Variants in GOLGB1 observed in about 807,000 individuals in gnomAD.
GOLGB1 encodes golgin subfamily B member 1.
GOLGB1 carries 174 observed loss-of-function variants against 336.9 expected under a neutral mutation model. That is an observed-to-expected ratio of 0.52 (90% CI 0.46 to 0.59). GOLGB1 has a LOEUF of 0.59. GOLGB1 is among the 20% of genes least tolerant of loss of function. GOLGB1 has a pLI of 0.00. For synonymous variants in GOLGB1, 1,208 were observed against 1,289.2 expected (o/e 0.94, Z 1.35); for missense variants, 3,331 against 3,645.3 (o/e 0.91, Z 2.22).
At chr3:121,700,160 A>G (rs1466713526) in intron 11 of GOLGB1, among the ~76,000 whole-genome samples, 2 of 152,138 alleles carry the variant, frequency 1.3e-5, no homozygotes, top group South Asian at 2.1e-4. Context: ...TGCAGGACAT[A>G]AAGCAGCTAT....
At chr3:121,684,913 G>C (rs1420210527) in intron 14 of GOLGB1, among the ~76,000 whole-genome samples, 1 of 152,082 alleles carries the variant, frequency 6.6e-6, no homozygotes. Context: ...AGGAGTACAG[G>C]GCCACTGGTT....
chr3:121,730,797 C>T (rs1946041262), intron 2 of GOLGB1, 79 bp downstream of exon 2: 3 of 1,423,216 alleles, frequency 2.1e-6, no homozygotes, highest in East Asian at 5.2e-5. Context: ...CTTCGCACAC[C>T]CTTCTATCTT....
chr3:121,723,184 T>C (rs901991605), intron 5 of GOLGB1, among the ~76,000 whole-genome samples: 1 of 152,240 alleles, frequency 6.6e-6, no homozygotes, highest in Non-Finnish European at 1.5e-5. Context: ...TTTTTAACAT[T>C]ATTTAATTTT....
Position 121,694,654 on chromosome 3 carries a change from C to T in GOLGB1, c.5869G>A (p.Glu1957Lys). 1 of 1,611,188 alleles carries T rather than the reference C, an allele frequency of 6.2e-7. No homozygotes were observed. The highest frequency in any genetic ancestry group is 8.5e-7 in the Non-Finnish European group (1 of 1,179,588). ...QDVTDAQIKNELLESEMKNLK... is the reference protein window; with the variant it reads ...QDVTDAQIKNKLLESEMKNLK... Reference sequence around the variant, plus strand: ...TTCTTCATTTCAGATTCCAATAGCTCATTTTTTATTTGGGCATCTGTAACA... The same window carrying T: ...TTCTTCATTTCAGATTCCAATAGCTTATTTTTTATTTGGGCATCTGTAACA... The change falls in exon 13 of 22, where the codon GAG (glutamate) becomes AAG (lysine). Residue 1957 changes from glutamate (E) to lysine (K), a missense_variant. Coordinates refer to ENST00000614479, the MANE Select transcript of GOLGB1 (RefSeq NM_001366282.2).
chr3:121,668,055 C>A lies in GOLGB1; in HGVS notation c.9419+6G>T. The A allele has an allele frequency of 6.5e-7, 1 of 1,532,674 alleles. No homozygotes were observed. The highest frequency in any genetic ancestry group is 9.0e-7 in the Non-Finnish European group (1 of 1,116,258). 94.9% of individuals were successfully genotyped at this position (1,532,674 alleles called of 1,614,324 possible). A position where few individuals can be genotyped will look rare whatever the true frequency, so the allele number is the denominator to read the frequency against. On this transcript the variant is annotated splice_donor_region_variant and intron_variant, in intron 19 of 21. Transcript: ENST00000614479. ...TGCTCCAGGGTTTAGAGAGCCACTC[C>A]CCTACCTTTGCTGCGGTTCCCTTAG... is the stretch of plus-strand genomic sequence containing the variant.
At chr3:121,667,361 A>G in intron 20 of GOLGB1, 115 bp downstream of exon 20, 1 of 1,079,928 alleles carries the variant, frequency 9.3e-7, no homozygotes, top group South Asian at 1.6e-5. Flanking sequence ...TCATTGCAGC[A>G]ACTACCTCAA....
rs375601962 is a variant in GOLGB1 at position 121,748,436 on chromosome 3, T to A, written c.-3+1196A>T. On this transcript the variant is annotated intron_variant, in intron 1 of 21. Coordinates refer to ENST00000614479, the MANE Select transcript of GOLGB1 (RefSeq NM_001366282.2). ...GAAGCTGCTGAGGTAGTAAAAAATA[T>A]TGATGCAGTGAAAAGAAAAACATTA... 2.0e-5 allele frequency among the ~76,000 whole-genome samples: 3 copies of A among 149,952 alleles called. No homozygotes were observed. The East Asian group carries it at 5.8e-4, about 29-fold the overall frequency.
At chr3:121,740,625 G>A (rs899452686) in intron 1 of GOLGB1, among the ~76,000 whole-genome samples, 5 of 152,132 alleles carry the variant, frequency 3.3e-5, no homozygotes, top group Admixed American at 2.0e-4. Context: ...CAAATTTTCT[G>A]TAGTAAACTT....
At position 121,697,918 on chromosome 3, in the gene GOLGB1, G is replaced by T; in HGVS notation, c.2605C>A (p.Leu869Met). Reference protein sequence around the residue: ...VRHISSKVEELSQALSQKELE... With the variant: ...VRHISSKVEEMSQALSQKELE... ...TCCTTCTGTGAAAGAGCCTGGGACA[G>T]TTCTTCCACTTTACTTGAGATATGC... Residue 869 changes from leucine to methionine, a missense_variant, in exon 13 of 22, where the codon CTG (leucine) becomes ATG (methionine). Leu to Met is a conservative substitution (Grantham distance 15, BLOSUM62 2). Coordinates refer to ENST00000614479, the MANE Select transcript of GOLGB1 (RefSeq NM_001366282.2). 1.8e-5 allele frequency: 29 copies of T among 1,614,036 alleles called. No individual in the cohort carries two copies. Among genetic ancestry groups the T allele is most frequent in the Non-Finnish European group, 2.5e-5 (29 of 1,179,942 alleles).
rs1376409716 is a variant in GOLGB1, at chr3:121,716,740, C to T, written c.1285G>A (p.Glu429Lys). ...VQSAQTIQQL[E>K]DQLQQKSKEI... Reference sequence around the variant, plus strand: ...TCAAAAGCAATCAGCTACTGACCTTCCAGTTGCTGAATGGTCTGGGCTGAC... The same window carrying T: ...TCAAAAGCAATCAGCTACTGACCTTTCAGTTGCTGAATGGTCTGGGCTGAC... Residue 429 changes from glutamate to lysine, a missense_variant, in exon 9 of 22, where the codon GAA (glutamate) becomes AAA (lysine). By Grantham distance (56) the Glu-to-Lys change is moderately conservative. Coordinates refer to ENST00000614479, the MANE Select transcript of GOLGB1 (RefSeq NM_001366282.2). 1.2e-6 allele frequency: 2 copies of T among 1,604,694 alleles called. No homozygotes were observed. Among genetic ancestry groups the T allele is most frequent in the South Asian group, 2.2e-5 (2 of 89,906 alleles).
At position 121,747,797 on chromosome 3, in the gene GOLGB1, G is replaced by A. The variant is rs1947472192; in HGVS notation, c.-3+1835C>T. 3.3e-5 allele frequency among the ~76,000 whole-genome samples: 5 copies of A among 152,030 alleles called. No individual in the cohort carries two copies. In the South Asian group the frequency reaches 1.0e-3, roughly 32 times the overall value. ...GATGGGTAGATCAGTAGATAGAAAA[G>A]AAAAAGACTTTTTTTACATTGTATC... is the stretch of plus-strand genomic sequence containing the variant. On this transcript the variant is annotated intron_variant, in intron 1 of 21. Transcript: ENST00000614479.
At chr3:121,747,150 T>TTATATATATA (rs548032779) in intron 1 of GOLGB1, among the ~76,000 whole-genome samples, 4 of 49,580 alleles carry the variant, frequency 8.1e-5, no homozygotes, top group Non-Finnish European at 7.1e-5. Context: ...TACATGGATG[T>TTATATATATA]TATATATATA....
At position 121,709,805 on chromosome 3, in the gene GOLGB1, A is replaced by G. The variant is rs896070387; in HGVS notation, c.1404+5056T>C. Reference sequence around the variant, plus strand: ...CCAAGTAAGCAGAAAGAAATACTAAAGAGTAGAAATCAATGAAAATGAAAA... The same window carrying G: ...CCAAGTAAGCAGAAAGAAATACTAAGGAGTAGAAATCAATGAAAATGAAAA... On this transcript the variant is annotated intron_variant, in intron 10 of 21. Coordinates refer to ENST00000614479, the MANE Select transcript of GOLGB1 (RefSeq NM_001366282.2). Among the ~76,000 whole-genome samples, 3 of 152,132 alleles carry G rather than the reference A, an allele frequency of 2.0e-5. 1 individual carries two copies. The highest frequency in any genetic ancestry group is 4.4e-5 in the Non-Finnish European group (3 of 68,010).
At chr3:121,680,481 C>T (rs1469699617) in intron 15 of GOLGB1, among the ~76,000 whole-genome samples, 1 of 152,074 alleles carries the variant, frequency 6.6e-6, no homozygotes, top group African/African-American at 2.4e-5. Context: ...GTATAGAAAG[C>T]TTCAGCAAAG....
rs539539360 is a variant in GOLGB1, at chr3:121,713,965, A to T, written c.1404+896T>A. On this transcript the variant is annotated intron_variant, in intron 10 of 21. Coordinates refer to ENST00000614479, the MANE Select transcript of GOLGB1 (RefSeq NM_001366282.2). ...ACATTTGATAAAGCAAACGTGCTAAAATGTTAATGATAGAATTCAGATGGT... is the reference window on the plus strand; with the variant it reads ...ACATTTGATAAAGCAAACGTGCTAATATGTTAATGATAGAATTCAGATGGT... Among the ~76,000 whole-genome samples, 65 of 152,362 alleles carry T rather than the reference A, an allele frequency of 4.3e-4. 1 individual carries two copies. The highest frequency in any genetic ancestry group is 4.6e-4 in the Non-Finnish European group (31 of 68,036).
chr3:121,731,934 A>C (rs1297766692), intron 1 of GOLGB1, among the ~76,000 whole-genome samples: 1 of 152,154 alleles, frequency 6.6e-6, no homozygotes, highest in African/African-American at 2.4e-5. Context: ...AGTCAAGATG[A>C]CCAAGAAAAA....
chr3:121,700,344 T>A (rs1398191136), intron 11 of GOLGB1, among the ~76,000 whole-genome samples: 1 of 152,038 alleles, frequency 6.6e-6, no homozygotes, highest in African/African-American at 2.4e-5. Context: ...AATGATCATA[T>A]AAGGAAACAA....
chr3:121,709,559 T>C (rs1476635512), intron 10 of GOLGB1, among the ~76,000 whole-genome samples: 5 of 152,192 alleles, frequency 3.3e-5, no homozygotes, highest in Admixed American at 1.3e-4. Flanking sequence ...AACAACGTGT[T>C]TATTTAGAAC....
At chr3:121,734,326 A>C (rs925562814) in intron 1 of GOLGB1, among the ~76,000 whole-genome samples, 1 of 140,762 alleles carries the variant, frequency 7.1e-6, no homozygotes, top group Non-Finnish European at 1.5e-5. Flanking sequence ...GAAGGCATGG[A>C]TTGCAGTGAG....
Sources: gnomAD v4.1 joint callset for allele counts (sites outside exome capture counted in the v4.1 genomes callset) on GRCh38, gnomAD v4.1.1 for gene constraint, MANE v1.5 for transcripts, NCBI Gene and HGNC (gene_info 2026-07-23, HGNC 2026-07-21) for gene names.